Variants in PTPRT observed in about 807,000 individuals in gnomAD.
PTPRT encodes receptor-type tyrosine-protein phosphatase T.
Under a neutral mutation model 176.8 loss-of-function variants are expected in PTPRT, and 56 were observed. The ratio of observed to expected loss-of-function variants is 0.32; its 90% CI spans 0.26 to 0.40. The LOEUF (loss-of-function observed/expected upper bound fraction) is 0.40, where lower values mean the gene tolerates loss of function less well. PTPRT is among the 10% of genes least tolerant of loss of function. PTPRT has a pLI of 1.00. For synonymous variants in PTPRT, 783 were observed against 739.0 expected (o/e 1.06, Z -0.96); for missense variants, 1,540 against 1,908.2 (o/e 0.81, Z 3.60).
chr20:42,679,005 G>A (rs1202563486), intron 6 of PTPRT, among the ~76,000 whole-genome samples: 1 of 152,186 alleles, frequency 6.6e-6, no homozygotes, highest in Non-Finnish European at 1.5e-5. Context: ...TTCCAGCAGA[G>A]AAAGTCATGG....
chr20:42,610,254 T>C (rs1237476981), intron 7 of PTPRT, among the ~76,000 whole-genome samples: 1 of 152,212 alleles, frequency 6.6e-6, no homozygotes, highest in Non-Finnish European at 1.5e-5. Context: ...TGCAATACAC[T>C]CATTCCACAA....
At chr20:42,727,619 T>A (rs1358525194) in intron 6 of PTPRT, among the ~76,000 whole-genome samples, 1 of 152,128 alleles carries the variant, frequency 6.6e-6, no homozygotes, top group Non-Finnish European at 1.5e-5. Flanking sequence ...GAAGAACAAG[T>A]AAGAAAAGGA....
chr20:43,168,938 T>C (rs753337907), intron 1 of PTPRT, among the ~76,000 whole-genome samples: 3 of 152,208 alleles, frequency 2.0e-5, no homozygotes, highest in Admixed American at 6.5e-5. Context: ...GGCATCATGC[T>C]AACCCCCACA....
At chr20:42,921,059 A>C (rs1212684571) in intron 1 of PTPRT, among the ~76,000 whole-genome samples, 1 of 152,214 alleles carries the variant, frequency 6.6e-6, no homozygotes, top group Non-Finnish European at 1.5e-5. Flanking sequence ...ATGAAATGTT[A>C]AGTGAGGAAA....
chr20:43,076,024 T>A (rs1187304353), intron 1 of PTPRT, among the ~76,000 whole-genome samples: 1 of 152,348 alleles, frequency 6.6e-6, no homozygotes, highest in African/African-American at 2.4e-5. Flanking sequence ...TTTCTAAACA[T>A]GCATGTCTGT....
chr20:43,052,067 A>G (rs1987068101), intron 1 of PTPRT, among the ~76,000 whole-genome samples: 1 of 152,240 alleles, frequency 6.6e-6, no homozygotes, highest in African/African-American at 2.4e-5. Context: ...CAAAATAATA[A>G]AAGATGAGTT....
At chr20:42,125,345 C>G (rs1987800344) in intron 19 of PTPRT, among the ~76,000 whole-genome samples, 1 of 152,112 alleles carries the variant, frequency 6.6e-6, no homozygotes. Context: ...GTAATTTACC[C>G]AAGATCATAA....
rs1019768096 is a variant in PTPRT, at chr20:42,095,196, C to A, written c.3846+3225G>T. On this transcript the variant is annotated intron_variant, in intron 27 of 30. Coordinates refer to ENST00000373187, the MANE Select transcript of PTPRT (RefSeq NM_007050.6). ...CATTTCAGAAACCACTCTTCCCCAT[C>A]CTTGCACCAACAATCTATTCTCAAC... is the stretch of plus-strand genomic sequence containing the variant. 5.3e-5 allele frequency among the ~76,000 whole-genome samples: 8 copies of A among 152,346 alleles called. 2 individuals carry two copies. Among genetic ancestry groups the A allele is most frequent in the Admixed American group, 5.2e-4 (8 of 15,308 alleles).
intron 13 of PTPRT, chr20:42,270,353 T>G (rs1476386279): frequency 1.3e-6 from 2 of 1,510,066 alleles, no homozygotes; most frequent in Admixed American, 2.0e-5. Flanking sequence ...CCACTGAGTG[T>G]GGGCAACTCT....
chr20:43,090,399 T>C (rs539394456), intron 1 of PTPRT, among the ~76,000 whole-genome samples: 322 of 151,908 alleles, frequency 2.1e-3, no homozygotes, highest in Non-Finnish European at 2.6e-3. Context: ...TCCTGAGTAG[T>C]TGGGACTACA....
chr20:42,293,395 T>C lies in PTPRT; in HGVS notation c.2140-10870A>G, dbSNP rs111655165. ...CTGACCATTCCCTCCTTGACCTGTTTAATTATCTTGGCTTTAAGTCATTCT... is the reference window on the plus strand; with the variant it reads ...CTGACCATTCCCTCCTTGACCTGTTCAATTATCTTGGCTTTAAGTCATTCT... On this transcript the variant is annotated intron_variant, in intron 12 of 30. Coordinates refer to ENST00000373187, the MANE Select transcript of PTPRT (RefSeq NM_007050.6). Among the ~76,000 whole-genome samples, 585 of 152,262 alleles carry C rather than the reference T, an allele frequency of 3.8e-3. 2 individuals carry two copies. The highest frequency in any genetic ancestry group is 0.013 in the African/African-American group (556 of 41,564).
At chr20:43,010,460 T>C (rs1037951920) in intron 1 of PTPRT, among the ~76,000 whole-genome samples, 24 of 151,344 alleles carry the variant, frequency 1.6e-4, no homozygotes, top group African/African-American at 4.8e-4. Context: ...CTTCTGCTCA[T>C]AGTGTCTACT....
At chr20:43,126,958 G>A (rs910266958) in intron 1 of PTPRT, among the ~76,000 whole-genome samples, 4 of 152,146 alleles carry the variant, frequency 2.6e-5, no homozygotes, top group Non-Finnish European at 5.9e-5. Flanking sequence ...TGGATTCTGC[G>A]TGAACAAGAA....
chr20:42,938,399 A>C (rs1476372023), intron 1 of PTPRT, among the ~76,000 whole-genome samples: 1 of 152,166 alleles, frequency 6.6e-6, no homozygotes, highest in East Asian at 1.9e-4. Flanking sequence ...GGGTCTGCAC[A>C]TGGTTCTTTA....
At chr20:42,081,826 A>G in intron 30 of PTPRT, 56 bp downstream of exon 30, 1 of 1,590,016 alleles carries the variant, frequency 6.3e-7, no homozygotes, top group Non-Finnish European at 8.6e-7. Context: ...CATTTTCTCC[A>G]GGTCAAGGGA....
chr20:42,553,723 G>T (rs1480225707), intron 7 of PTPRT, among the ~76,000 whole-genome samples: 1 of 152,096 alleles, frequency 6.6e-6, no homozygotes, highest in African/African-American at 2.4e-5. Flanking sequence ...CCAGAGAAGA[G>T]GGTGAAATGT....
chr20:43,033,973 T>C (rs1363023730), intron 1 of PTPRT, among the ~76,000 whole-genome samples: 2 of 152,290 alleles, frequency 1.3e-5, no homozygotes, highest in East Asian at 3.9e-4. Flanking sequence ...TATTGGGTAG[T>C]GGGTACTGGC....
chr20:42,795,934 A>G (rs2077447874), intron 2 of PTPRT, among the ~76,000 whole-genome samples: 1 of 152,242 alleles, frequency 6.6e-6, no homozygotes, highest in African/African-American at 2.4e-5. Flanking sequence ...AGCAGGTAAC[A>G]GTGAGCCCAA....
chr20:42,266,933 A>G (rs887003169), intron 13 of PTPRT, among the ~76,000 whole-genome samples: 1 of 152,224 alleles, frequency 6.6e-6, no homozygotes, highest in Non-Finnish European at 1.5e-5. Flanking sequence ...TCTATGTGTA[A>G]AATACACACC....
Sources: gnomAD v4.1 joint callset for allele counts (sites outside exome capture counted in the v4.1 genomes callset) on GRCh38, gnomAD v4.1.1 for gene constraint, MANE v1.5 for transcripts, NCBI Gene and HGNC (gene_info 2026-07-23, HGNC 2026-07-21) for gene names.